UBE2D3: variants seen among roughly 807,000 people sequenced by gnomAD.
The protein encoded by UBE2D3 is ubiquitin-conjugating enzyme E2 D3.
A neutral mutation model predicts 22.8 loss-of-function variants in UBE2D3; 2 were observed. The observed-to-expected ratio is 0.09, with a 90% confidence interval of 0.04 to 0.28. UBE2D3 has a LOEUF of 0.28. Among genes scored for constraint, UBE2D3 ranks in the 10% least tolerant of loss-of-function variants. The probability of loss-of-function intolerance (pLI) is 1.00; values close to 1 mark genes in which losing one functional copy is unlikely to be tolerated. For missense variants in UBE2D3, 27 were observed against 182.5 expected (o/e 0.15, Z 4.91); for synonymous variants, 56 against 60.4 (o/e 0.93, Z 0.34).
chr4:102,855,392 G>A (rs1732572304), intron 1 of UBE2D3, among the ~76,000 whole-genome samples: 1 of 152,080 alleles, frequency 6.6e-6, no homozygotes, highest in Non-Finnish European at 1.5e-5. Context: ...TAGAATAATA[G>A]GATATACCAA....
intron 1 of UBE2D3, among the ~76,000 whole-genome samples, chr4:102,855,488 T>G (rs1487762471): frequency 2.0e-5 from 3 of 152,208 alleles, no homozygotes; most frequent in Non-Finnish European, 4.4e-5. Context: ...GCAATCATAG[T>G]TCACTTCATG....
upstream of UBE2D3, chr4:102,827,653 G>C (rs116693794): frequency 1.0e-6 from 1 of 986,158 alleles, no homozygotes; most frequent in Non-Finnish European, 1.2e-6. Context: ...CCGATGTGAG[G>C]CCGAAGCCAG....
chr4:102,798,796 G>C (rs1725648690), intron 7 of UBE2D3: 1 of 728,992 alleles, frequency 1.4e-6, no homozygotes, highest in African/African-American at 1.8e-5. Context: ...AGACCAAGCA[G>C]TTAAATGTAC....
intron 2 of UBE2D3, among the ~76,000 whole-genome samples, chr4:102,822,938 A>G (rs553551880): frequency 7.2e-5 from 11 of 152,290 alleles, no homozygotes; most frequent in African/African-American, 2.6e-4. Flanking sequence ...TCCGTCTCCA[A>G]CAACAACAAA....
At chr4:102,801,348 C>A in intron 6 of UBE2D3, 106 bp downstream of exon 6, 1 of 892,680 alleles carries the variant, frequency 1.1e-6, no homozygotes, top group Non-Finnish European at 1.7e-6. Context: ...ATTGCTTCCC[C>A]ATCTCTTACC....
chr4:102,822,792 C>CTCTACTAAAAAAACAAAAAAATTA (rs1553963795), intron 2 of UBE2D3, among the ~76,000 whole-genome samples: 44 of 152,110 alleles, frequency 2.9e-4, no homozygotes, highest in African/African-American at 8.4e-4. Context: ...AAAAATTAGC[C>CTCTACTAAAAAAACAAAAAAATTA]GGGGGTGGTG....
At chr4:102,842,586 A>AT (rs1255527925) in intron 1 of UBE2D3, among the ~76,000 whole-genome samples, 1 of 152,088 alleles carries the variant, frequency 6.6e-6, no homozygotes, top group Non-Finnish European at 1.5e-5. Flanking sequence ...ACTTCTGATA[A>AT]TTAAGAACTC....
intron 1 of UBE2D3, among the ~76,000 whole-genome samples, chr4:102,857,769 T>C (rs993751938): frequency 6.6e-6 from 1 of 152,146 alleles, no homozygotes; most frequent in Non-Finnish European, 1.5e-5. Flanking sequence ...TCTCAGCTTA[T>C]TACAACCTCT....
chr4:102,809,522 G>A (rs1050393502), intron 4 of UBE2D3, 150 bp downstream of exon 4: 15 of 834,706 alleles, frequency 1.8e-5, no homozygotes, highest in Admixed American at 8.9e-5. Flanking sequence ...AACTCATTAT[G>A]TTTTTTCTTT....
At chr4:102,864,866 C>A (rs1360128426) in intron 1 of UBE2D3, among the ~76,000 whole-genome samples, 1 of 152,078 alleles carries the variant, frequency 6.6e-6, no homozygotes, top group East Asian at 1.9e-4. Context: ...ATAAGCAACC[C>A]AGGATGTGTG....
At chr4:102,798,864 G>T in intron 7 of UBE2D3, 1 of 1,473,130 alleles carries the variant, frequency 6.8e-7, no homozygotes, top group Non-Finnish European at 9.5e-7. Context: ...GTGCCTTAAC[G>T]CATGCAGCAC....
chr4:102,827,493 C>T lies in UBE2D3; in HGVS notation c.-195G>A. Reference sequence around the variant, plus strand: ...TCCCCGCGCGGCAGCTGGTGCCTCCCCGGCCCTACGGGGCTCACGCGCACG... The same window carrying T: ...TCCCCGCGCGGCAGCTGGTGCCTCCTCGGCCCTACGGGGCTCACGCGCACG... On this transcript the variant is annotated 5_prime_UTR_variant, in exon 1 of 8. Coordinates refer to ENST00000453744, the MANE Select transcript of UBE2D3 (RefSeq NM_181891.3). 1 of 986,282 alleles carries T rather than the reference C, an allele frequency of 1.0e-6. No individual in the cohort carries two copies. 61.1% of individuals were successfully genotyped at this position (986,282 alleles called of 1,614,324 possible). A position where few individuals can be genotyped will look rare whatever the true frequency, so the allele number is the denominator to read the frequency against.
intron 1 of UBE2D3, among the ~76,000 whole-genome samples, chr4:102,862,792 T>C (rs1249070793): frequency 6.6e-6 from 1 of 152,222 alleles, no homozygotes; most frequent in Non-Finnish European, 1.5e-5. Context: ...TTTTGTAGTA[T>C]GTGTCTCAGT....
chr4:102,804,713 G>A (rs1005981727), intron 4 of UBE2D3, among the ~76,000 whole-genome samples: 13 of 151,902 alleles, frequency 8.6e-5, no homozygotes, highest in South Asian at 4.1e-4. Flanking sequence ...TTGCTCTGTC[G>A]CCCAGACTGG....
intron 1 of UBE2D3, among the ~76,000 whole-genome samples, chr4:102,854,007 A>C (rs1489234582): frequency 6.6e-6 from 1 of 152,208 alleles, no homozygotes; most frequent in African/African-American, 2.4e-5. Flanking sequence ...TGTTAGACTA[A>C]CTGGCATCTT....
rs1272993165 is a variant in UBE2D3 at position 102,797,013 on chromosome 4, A to T, written c.*402T>A. On this transcript the variant is annotated 3_prime_UTR_variant, in exon 8 of 8. Transcript: ENST00000453744. ...ATGGATGCTGCTAGAATAATGCTGT[A>T]TCCTTTGATGTGACAACTGAGCATC... The T allele has an allele frequency of 6.1e-6, 1 of 163,040 alleles. No individual in the cohort carries two copies. The highest frequency in any genetic ancestry group is 1.3e-5 in the Non-Finnish European group (1 of 74,410). The allele number at this position is 163,040 out of a possible 1,614,324, so 10.1% of individuals were successfully genotyped here.
intron 1 of UBE2D3, chr4:102,826,915 G>A: frequency 5.9e-6 from 6 of 1,023,548 alleles, no homozygotes; most frequent in Non-Finnish European, 7.0e-6. Context: ...GGCAGGGTCC[G>A]GAGCCCAGCA....
In UBE2D3 at chr4:102,822,793, G is replaced by GCCA. The variant is rs1185227286; in HGVS notation, c.24+3691_24+3692insTGG. Among the ~76,000 whole-genome samples the GCCA allele has an allele frequency of 1.2e-3, 43 of 35,002 alleles. No homozygotes were observed. The African/African-American group carries it at 0.013, about 11-fold the overall frequency. 23.0% of individuals were successfully genotyped at this position (35,002 alleles called of 152,430 possible). ...TACTAAAAAAACAAAAAAATTAGCC[G>GCCA]GGGGTGGTGGTGGGCGCCTGTAGTC... On this transcript the variant is annotated intron_variant, in intron 2 of 7. Transcript: ENST00000453744.
chr4:102,821,731 T>C (rs1729650338), intron 2 of UBE2D3, among the ~76,000 whole-genome samples: 1 of 152,206 alleles, frequency 6.6e-6, no homozygotes. Flanking sequence ...GATTATGCAT[T>C]GCATACCTGT....
Sources: allele counts gnomAD v4.1 joint callset (sites outside exome capture counted in the v4.1 genomes callset), GRCh38; gene constraint gnomAD v4.1.1; transcripts MANE v1.5; gene names NCBI Gene and HGNC (gene_info 2026-07-23, HGNC 2026-07-21).